RFC3: variants seen among roughly 807,000 people sequenced by gnomAD.
The protein encoded by RFC3 is A1 38 kDa subunit.
In RFC3, 41 loss-of-function variants were observed where a neutral mutation model predicts 45.1. That is an observed-to-expected ratio of 0.91 (90% CI 0.71 to 1.18). The LOEUF is 1.18. Among genes scored for constraint, RFC3 ranks in the 50% most tolerant of loss-of-function variants. The probability of loss-of-function intolerance (pLI) is 0.00; values close to 1 mark genes in which losing one functional copy is unlikely to be tolerated. For missense variants in RFC3, 423 were observed against 428.1 expected (o/e 0.99, Z 0.10); for synonymous variants, 149 against 144.0 (o/e 1.03, Z -0.25).
chr13:33,851,628 C>A (rs1374326549), intron 8 of RFC3, among the ~76,000 whole-genome samples: 1 of 152,028 alleles, frequency 6.6e-6, no homozygotes, highest in Non-Finnish European at 1.5e-5. Flanking sequence ...TTTGCTGTCT[C>A]AGGGGTGGCA....
At chr13:33,956,346 A>G (rs1418363890) in intron 8 of RFC3, among the ~76,000 whole-genome samples, 1 of 152,212 alleles carries the variant, frequency 6.6e-6, no homozygotes, top group Non-Finnish European at 1.5e-5. Flanking sequence ...TTAATCTGAG[A>G]CGTAATCACA....
intron 8 of RFC3, among the ~76,000 whole-genome samples, chr13:33,885,761 T>G (rs1281873969): frequency 6.6e-6 from 1 of 152,188 alleles, no homozygotes; most frequent in African/African-American, 2.4e-5. Flanking sequence ...TCAGAATGTT[T>G]GGTTCTGGAG....
At chr13:33,822,410 G>A (rs1281173263) in intron 2 of RFC3, among the ~76,000 whole-genome samples, 1 of 152,108 alleles carries the variant, frequency 6.6e-6, no homozygotes, top group African/African-American at 2.4e-5. Flanking sequence ...CTTAAAGTCC[G>A]TCCATATGGA....
intron 8 of RFC3, among the ~76,000 whole-genome samples, chr13:33,878,779 T>C (rs1275719251): frequency 6.6e-6 from 1 of 152,194 alleles, no homozygotes; most frequent in Non-Finnish European, 1.5e-5. Flanking sequence ...TTCCATGAGC[T>C]TATCTGCTGC....
intron 8 of RFC3, among the ~76,000 whole-genome samples, chr13:33,932,034 T>C (rs1018290709): frequency 6.6e-6 from 1 of 152,116 alleles, no homozygotes; most frequent in Non-Finnish European, 1.5e-5. Flanking sequence ...TTTGTTGTGC[T>C]AGTTCATTAA....
chr13:33,877,244 G>A (rs1255321981), intron 8 of RFC3, among the ~76,000 whole-genome samples: 1 of 152,176 alleles, frequency 6.6e-6, no homozygotes, highest in Non-Finnish European at 1.5e-5. Flanking sequence ...TGATTATGCG[G>A]CCCACTGTCT....
At chr13:33,833,570 AGTTAACTCAAGACTAACACAAGATGCAT>A (rs2082123206) in intron 7 of RFC3, among the ~76,000 whole-genome samples, 1 of 152,202 alleles carries the variant, frequency 6.6e-6, no homozygotes, top group Admixed American at 6.5e-5. Context: ...TAATGTTAGA[AGTTAACTCAAGACTAACACAAGATGCAT>A]GTTAACATGT....
At chr13:33,857,028 A>G (rs2082312430) in intron 8 of RFC3, among the ~76,000 whole-genome samples, 1 of 152,166 alleles carries the variant, frequency 6.6e-6, no homozygotes, top group Non-Finnish European at 1.5e-5. Context: ...TGTACTTTGA[A>G]TTTTAATACA....
intron 1 of RFC3, among the ~76,000 whole-genome samples, chr13:33,818,499 A>G (rs1265288937): frequency 6.6e-6 from 1 of 152,278 alleles, no homozygotes; most frequent in Non-Finnish European, 1.5e-5. Flanking sequence ...TTGAAAAGTC[A>G]TAAATACAGA....
At chr13:33,882,625 A>C (rs1440387217) in intron 8 of RFC3, among the ~76,000 whole-genome samples, 1 of 152,230 alleles carries the variant, frequency 6.6e-6, no homozygotes, top group East Asian at 1.9e-4. Context: ...GCTAGCTCCT[A>C]GATCTCGAAC....
At chr13:33,938,482 T>C (rs1013521199) in intron 8 of RFC3, among the ~76,000 whole-genome samples, 3 of 152,114 alleles carry the variant, frequency 2.0e-5, no homozygotes, top group Non-Finnish European at 4.4e-5. Context: ...TTCCCAGGGA[T>C]AACCACCATT....
intron 7 of RFC3, among the ~76,000 whole-genome samples, chr13:33,833,007 T>C (rs2082118266): frequency 6.6e-6 from 1 of 152,210 alleles, no homozygotes; most frequent in Non-Finnish European, 1.5e-5. Flanking sequence ...AATGAACTTG[T>C]GCAGGAAGCG....
At chr13:33,853,279 T>C (rs1221788979) in intron 8 of RFC3, among the ~76,000 whole-genome samples, 1 of 152,204 alleles carries the variant, frequency 6.6e-6, no homozygotes, top group Non-Finnish European at 1.5e-5. Context: ...AACCCTGACT[T>C]GCTATCTGAG....
intron 8 of RFC3, among the ~76,000 whole-genome samples, chr13:33,959,200 C>T (rs946679823): frequency 1.3e-5 from 2 of 152,148 alleles, no homozygotes; most frequent in African/African-American, 4.8e-5. Context: ...TAAGCCACCT[C>T]CACCCTGTGG....
intron 8 of RFC3, among the ~76,000 whole-genome samples, chr13:33,877,708 T>G (rs932925933): frequency 6.7e-6 from 1 of 148,786 alleles, no homozygotes; most frequent in Admixed American, 6.7e-5. Flanking sequence ...TATAATAAAA[T>G]AAGTTTATAT....
chr13:33,828,413 T>C (rs780888745), intron 4 of RFC3, among the ~76,000 whole-genome samples: 5 of 152,200 alleles, frequency 3.3e-5, no homozygotes, highest in Non-Finnish European at 7.3e-5. Context: ...CCTGGAACAC[T>C]GTCTTAGAAG....
At chr13:33,918,083 A>G (rs2082744774) in intron 8 of RFC3, among the ~76,000 whole-genome samples, 1 of 152,220 alleles carries the variant, frequency 6.6e-6, no homozygotes, top group Non-Finnish European at 1.5e-5. Flanking sequence ...AGAAAGGTCC[A>G]GAGGCTTGCC....
At chr13:33,850,134 T>G (rs1382960006) in intron 8 of RFC3, 3 of 152,196 alleles carry the variant, frequency 2.0e-5, no homozygotes, top group Non-Finnish European at 4.4e-5. Context: ...TGTTACTAAT[T>G]TGAATTGTGG....
At chr13:33,886,194 C>T (rs772828409) in intron 8 of RFC3, among the ~76,000 whole-genome samples, 7 of 152,026 alleles carry the variant, frequency 4.6e-5, no homozygotes, top group East Asian at 3.9e-4. Context: ...TGGAAAAAGC[C>T]GCGTAGACAT....
Sources: gnomAD v4.1 joint callset for allele counts (sites outside exome capture counted in the v4.1 genomes callset) on GRCh38, gnomAD v4.1.1 for gene constraint, MANE v1.5 for transcripts, NCBI Gene and HGNC (gene_info 2026-07-23, HGNC 2026-07-21) for gene names.